KCNH7: variants seen among roughly 807,000 people sequenced by gnomAD.
KCNH7 encodes the protein voltage-gated inwardly rectifying potassium channel KCNH7.
Under a neutral mutation model 120.8 loss-of-function variants are expected in KCNH7, and 49 were observed. The ratio of observed to expected loss-of-function variants is 0.41; its 90% CI spans 0.32 to 0.51. The LOEUF is 0.51. Among genes scored for constraint, KCNH7 ranks in the 20% least tolerant of loss-of-function variants. The probability of loss-of-function intolerance (pLI) is 0.38; values close to 1 mark genes in which losing one functional copy is unlikely to be tolerated. For synonymous variants in KCNH7, 547 were observed against 516.1 expected (o/e 1.06, Z -0.81); for missense variants, 1,097 against 1,446.6 (o/e 0.76, Z 3.92).
chr2:162,575,872 C>T (rs928565060), intron 2 of KCNH7, among the ~76,000 whole-genome samples: 2 of 152,152 alleles, frequency 1.3e-5, no homozygotes, highest in South Asian at 2.1e-4. Context: ...AATTTAATTT[C>T]GCAGTTTGCC....
intron 2 of KCNH7, among the ~76,000 whole-genome samples, chr2:162,694,640 G>A (rs545847901): frequency 6.6e-6 from 1 of 152,224 alleles, no homozygotes; most frequent in South Asian, 2.1e-4. Flanking sequence ...CAGGAATAGA[G>A]GAAAACCTTT....
chr2:162,750,831 G>A (rs1215694477), intron 2 of KCNH7, among the ~76,000 whole-genome samples: 2 of 152,074 alleles, frequency 1.3e-5, no homozygotes, highest in Non-Finnish European at 2.9e-5. Context: ...AGAAAGTTAT[G>A]CCTCTCAATA....
At chr2:162,749,416 C>T (rs1190459918) in intron 2 of KCNH7, among the ~76,000 whole-genome samples, 1 of 151,738 alleles carries the variant, frequency 6.6e-6, no homozygotes, top group East Asian at 1.9e-4. Flanking sequence ...CATTAGTGAT[C>T]AAAATAAACA....
intron 2 of KCNH7, among the ~76,000 whole-genome samples, chr2:162,571,902 A>G (rs1693492352): frequency 6.6e-6 from 1 of 151,870 alleles, no homozygotes; most frequent in South Asian, 2.1e-4. Flanking sequence ...AATTCAAGAT[A>G]GATTAAAGAC....
intron 2 of KCNH7, among the ~76,000 whole-genome samples, chr2:162,631,119 G>A (rs1683750719): frequency 6.6e-6 from 1 of 152,112 alleles, no homozygotes; most frequent in Admixed American, 6.6e-5. Flanking sequence ...AGCTGAGCAG[G>A]TTTGTCCTGG....
chr2:162,706,583 C>T (rs1214514267), intron 2 of KCNH7, among the ~76,000 whole-genome samples: 1 of 152,034 alleles, frequency 6.6e-6, no homozygotes, highest in Non-Finnish European at 1.5e-5. Flanking sequence ...TCTTAATACC[C>T]TACCATTTGA....
intron 2 of KCNH7, among the ~76,000 whole-genome samples, chr2:162,764,011 AT>A (rs1046356993): frequency 6.6e-6 from 1 of 152,018 alleles, no homozygotes; most frequent in African/African-American, 2.4e-5. Context: ...CTAAGGAAAG[AT>A]TTTACATCAG....
At chr2:162,468,861 T>G (rs867109470) in intron 6 of KCNH7, among the ~76,000 whole-genome samples, 1 of 151,844 alleles carries the variant, frequency 6.6e-6, no homozygotes, top group South Asian at 2.1e-4. Flanking sequence ...TCCCTTTTTT[T>G]TTTTTTAAAG....
Position 162,491,574 on chromosome 2 carries a change from G to C in KCNH7, c.1128+12869C>G, listed in dbSNP as rs75317227. Among the ~76,000 whole-genome samples the C allele has an allele frequency of 5.4e-3, 817 of 152,304 alleles. 7 individuals are homozygous for C. The highest frequency in any genetic ancestry group is 0.019 in the African/African-American group (791 of 41,552). ...ATAGGGAACTCAAAAGTTACCAACA[G>C]CAGGAAGGAGTCTGCGTGTAGGTAA... On this transcript the variant is annotated intron_variant, in intron 6 of 15. Coordinates refer to ENST00000332142, the MANE Select transcript of KCNH7 (RefSeq NM_033272.4).
intron 7 of KCNH7, among the ~76,000 whole-genome samples, chr2:162,436,355 T>G (rs933235764): frequency 2.0e-5 from 3 of 152,158 alleles, no homozygotes; most frequent in Admixed American, 1.3e-4. Context: ...TATTCCTAAG[T>G]GTGCTAAATT....
At chr2:162,432,318 C>T (rs897726234) in intron 8 of KCNH7, among the ~76,000 whole-genome samples, 1 of 151,882 alleles carries the variant, frequency 6.6e-6, no homozygotes, top group Non-Finnish European at 1.5e-5. Context: ...GTGTTTGCAG[C>T]CTAGACTTGG....
intron 2 of KCNH7, among the ~76,000 whole-genome samples, chr2:162,607,505 C>T (rs1682822342): frequency 6.6e-6 from 1 of 151,734 alleles, no homozygotes; most frequent in African/African-American, 2.4e-5. Context: ...AATGGACATT[C>T]ATGTTATAAT....
chr2:162,377,069 G>A (rs549284423), intron 14 of KCNH7, among the ~76,000 whole-genome samples: 5 of 152,184 alleles, frequency 3.3e-5, no homozygotes, highest in South Asian at 2.1e-4. Flanking sequence ...AACAAATGCC[G>A]AAGCTAAACA....
intron 6 of KCNH7, among the ~76,000 whole-genome samples, chr2:162,481,151 ATTCT>A (rs771033111): frequency 6.6e-6 from 1 of 152,024 alleles, no homozygotes; most frequent in Non-Finnish European, 1.5e-5. Flanking sequence ...ATTTTCTCTT[ATTCT>A]TTCTATCTTT....
intron 9 of KCNH7, among the ~76,000 whole-genome samples, chr2:162,416,375 GAA>G (rs962524373): frequency 2.7e-4 from 18 of 65,710 alleles, no homozygotes; most frequent in African/African-American, 7.0e-4. Flanking sequence ...TCCGTCTCTA[GAA>G]AAAAAAAAAA....
intron 2 of KCNH7, among the ~76,000 whole-genome samples, chr2:162,588,220 G>T (rs976140098): frequency 5.9e-5 from 9 of 151,856 alleles, no homozygotes; most frequent in African/African-American, 2.2e-4. Context: ...GATATTAGAA[G>T]AAAAGTTAGG....
At chr2:162,754,834 G>A (rs1474125577) in intron 2 of KCNH7, among the ~76,000 whole-genome samples, 7 of 152,200 alleles carry the variant, frequency 4.6e-5, no homozygotes, top group Non-Finnish European at 2.9e-5. Flanking sequence ...AACTTTTGGA[G>A]ACTGTTGAGA....
intron 10 of KCNH7, among the ~76,000 whole-genome samples, 165 bp downstream of exon 10, chr2:162,400,024 A>G (rs1049477607): frequency 6.6e-6 from 1 of 151,952 alleles, no homozygotes. Flanking sequence ...ATTTTCTGAA[A>G]GGTTAATTTG....
chr2:162,751,621 G>A (rs1688553786), intron 2 of KCNH7, among the ~76,000 whole-genome samples: 1 of 151,800 alleles, frequency 6.6e-6, no homozygotes, highest in African/African-American at 2.4e-5. Flanking sequence ...ATGTAGGCAA[G>A]TTGTAAAGGA....
Sources: gnomAD v4.1 joint callset for allele counts (sites outside exome capture counted in the v4.1 genomes callset) on GRCh38, gnomAD v4.1.1 for gene constraint, MANE v1.5 for transcripts, NCBI Gene and HGNC (gene_info 2026-07-23, HGNC 2026-07-21) for gene names.